Variants in PCDHGA2 observed in about 807,000 individuals in gnomAD.
PCDHGA2 encodes protocadherin gamma-A2.
Under a neutral mutation model 59.2 loss-of-function variants are expected in PCDHGA2, and 40 were observed. That is an observed-to-expected ratio of 0.68 (90% CI 0.52 to 0.88). The LOEUF (loss-of-function observed/expected upper bound fraction) is 0.88. Ranked by LOEUF, PCDHGA2 falls within the 40% of genes least tolerant of loss-of-function variation. PCDHGA2 has a pLI of 0.00. For synonymous variants in PCDHGA2, 560 were observed against 526.0 expected (o/e 1.06, Z -0.89); for missense variants, 1,226 against 1,204.0 (o/e 1.02, Z -0.27).
At chr5:141,453,288 A>T (rs931678565) in intron 1 of PCDHGA2, among the ~76,000 whole-genome samples, 18 of 151,342 alleles carry the variant, frequency 1.2e-4, no homozygotes, top group Admixed American at 3.3e-4. Context: ...TAATTTTTTA[A>T]TTATTTATTT....
intron 3 of PCDHGA2, among the ~76,000 whole-genome samples, chr5:141,509,064 C>T (rs890846779): frequency 6.6e-6 from 1 of 152,184 alleles, no homozygotes; most frequent in African/African-American, 2.4e-5. Flanking sequence ...AAGCTCTCAG[C>T]TCCGGGGATT....
chr5:141,447,164 G>T (rs2098528799), intron 1 of PCDHGA2, among the ~76,000 whole-genome samples: 1 of 151,766 alleles, frequency 6.6e-6, no homozygotes, highest in South Asian at 2.1e-4. Context: ...GTTTAAGCGG[G>T]GTCTTGCTCT....
At chr5:141,350,494 C>T (rs764659811) in intron 1 of PCDHGA2, 6 of 1,613,924 alleles carry the variant, frequency 3.7e-6, no homozygotes, top group Non-Finnish European at 5.1e-6. Context: ...GTTTGGAGAG[C>T]GGGGATTTGT....
intron 1 of PCDHGA2, chr5:141,360,306 C>T (rs1354179747): frequency 6.2e-7 from 1 of 1,613,952 alleles, no homozygotes; most frequent in Non-Finnish European, 8.5e-7. Context: ...TGGGGCTCAG[C>T]GTCCGGGACT....
chr5:141,478,826 G>A, intron 1 of PCDHGA2: 2 of 1,439,244 alleles, frequency 1.4e-6, no homozygotes, highest in Non-Finnish European at 1.8e-6. Context: ...AACCAATCTT[G>A]CTAAGGGATG....
At chr5:141,350,048 G>C in intron 1 of PCDHGA2, 1 of 396,924 alleles carries the variant, frequency 2.5e-6, no homozygotes, top group Non-Finnish European at 4.4e-6. Context: ...CGCCGCTGTC[G>C]ACCAAAAGGA....
At chr5:141,507,447 G>A (rs998019159) in intron 3 of PCDHGA2, among the ~76,000 whole-genome samples, 1 of 152,226 alleles carries the variant, frequency 6.6e-6, no homozygotes, top group Non-Finnish European at 1.5e-5. Flanking sequence ...GCTGACGGAA[G>A]GACAGAGAGA....
At chr5:141,366,697 G>A in intron 1 of PCDHGA2, 1 of 1,614,250 alleles carries the variant, frequency 6.2e-7, no homozygotes, top group Non-Finnish European at 8.5e-7. Flanking sequence ...AGAAAAGCGA[G>A]CCTCTTCTGA....
At chr5:141,380,483 A>G (rs1460206090) in intron 1 of PCDHGA2, among the ~76,000 whole-genome samples, 1 of 152,208 alleles carries the variant, frequency 6.6e-6, no homozygotes, top group Non-Finnish European at 1.5e-5. Flanking sequence ...TCTTCCCAAT[A>G]TCTCAGTCAA....
intron 1 of PCDHGA2, chr5:141,420,184 A>G: frequency 5.0e-6 from 8 of 1,613,990 alleles, no homozygotes; most frequent in Non-Finnish European, 6.8e-6. Context: ...ATCATTGTCC[A>G]GCCACACAAG....
intron 1 of PCDHGA2, chr5:141,403,099 C>T (rs762392585): frequency 2.5e-6 from 4 of 1,613,938 alleles, no homozygotes; most frequent in Non-Finnish European, 2.5e-6. Flanking sequence ...GCAACATCTC[C>T]AAGGACCTGG....
Position 141,485,605 on chromosome 5 carries a change from G to A in PCDHGA2, c.2425-9202G>A. On this transcript the variant is annotated intron_variant, in intron 1 of 3. Transcript: ENST00000394576. This position sits in a 1 kb window ranked among gnomAD's most constrained non-coding sequence, Gnocchi z 5.7. The stretch of plus-strand genomic sequence containing the variant: ...AGCAGCTGGACTTGGAAATTGGGGA[G>A]GCAGCTCCTCCAGGACAGCGTTTCC... 6.2e-7 allele frequency: 1 copy of A among 1,612,448 alleles called. No homozygotes were observed. Among genetic ancestry groups the A allele is most frequent in the Non-Finnish European group, 8.5e-7 (1 of 1,178,750 alleles).
Position 141,374,942 on chromosome 5 carries a change from A to G in PCDHGA2, c.2424+33547A>G, listed in dbSNP as rs758134474. The G allele has an allele frequency of 5.6e-6, 9 of 1,613,926 alleles. No individual in the cohort carries two copies. Among genetic ancestry groups the G allele is most frequent in the Non-Finnish European group, 7.6e-6 (9 of 1,179,910 alleles). ...TTATTCCTTTGTGAAGATTACAGAA[A>G]AGATCTCACAAATTTTCTGTTTGAA... On this transcript the variant is annotated intron_variant, in intron 1 of 3. Coordinates refer to ENST00000394576, the MANE Select transcript of PCDHGA2 (RefSeq NM_018915.4).
intron 1 of PCDHGA2, chr5:141,356,501 C>T: frequency 6.2e-7 from 1 of 1,614,014 alleles, no homozygotes; most frequent in Non-Finnish European, 8.5e-7. Context: ...CCACTGTCTA[C>T]AGAAACTCAT....
chr5:141,398,915 A>G, intron 1 of PCDHGA2: 1 of 1,614,002 alleles, frequency 6.2e-7, no homozygotes, highest in Non-Finnish European at 8.5e-7. Context: ...ACTGTGTTGC[A>G]AGTGTCAGCC....
rs70988800 is a variant in PCDHGA2 at position 141,379,889 on chromosome 5, C to CTTTTTTTTTTTTTTTTTTTTTTTTTTTTT, written c.2424+38496_2424+38524dup. On this transcript the variant is annotated intron_variant, in intron 1 of 3. Coordinates refer to ENST00000394576, the MANE Select transcript of PCDHGA2 (RefSeq NM_018915.4). The stretch of plus-strand genomic sequence containing the variant: ...CTTATTTTATGGTCTGTGAAAGCCT[C>CTTTTTTTTTTTTTTTTTTTTTTTTTTTTT]TTTTTTTTTTTTTTTTTTTTTTTTT... Among the ~76,000 whole-genome samples the CTTTTTTTTTTTTTTTTTTTTTTTTTTTTT allele has an allele frequency of 3.3e-4, 17 of 50,832 alleles. 3 individuals are homozygous for CTTTTTTTTTTTTTTTTTTTTTTTTTTTTT. Among genetic ancestry groups the CTTTTTTTTTTTTTTTTTTTTTTTTTTTTT allele is most frequent in the Non-Finnish European group, 5.0e-4 (13 of 25,882 alleles). 33.3% of individuals were successfully genotyped at this position (50,832 alleles called of 152,430 possible).
chr5:141,510,852 G>A (rs2099883073), intron 3 of PCDHGA2, 95 bp from the exon 4 acceptor site: 2 of 1,601,096 alleles, frequency 1.2e-6, no homozygotes, highest in Non-Finnish European at 1.7e-6. Flanking sequence ...GGCCCAGGGT[G>A]CTGTATAGGC....
rs964544667 is a variant in PCDHGA2 at position 141,338,790 on chromosome 5, G to C, written c.-182G>C. ...AGCAATACGGCTCCCACAGCACAAG[G>C]GGGTGGAGGTTTGGCCCTAAAGCTT... is the stretch of plus-strand genomic sequence containing the variant. On this transcript the variant is annotated 5_prime_UTR_variant, in exon 1 of 4. Transcript: ENST00000394576. 8.1e-6 allele frequency: 11 copies of C among 1,350,074 alleles called. No individual in the cohort carries two copies. The South Asian group carries it at 8.6e-5, about 11-fold the overall frequency. 83.6% of individuals were successfully genotyped at this position (1,350,074 alleles called of 1,614,324 possible).
At chr5:141,370,896 C>G in intron 1 of PCDHGA2, 1 of 1,614,040 alleles carries the variant, frequency 6.2e-7, no homozygotes, top group Non-Finnish European at 8.5e-7. Context: ...CAATTCGCTG[C>G]AGCAGTACTA....
Sources: allele counts gnomAD v4.1 joint callset (sites outside exome capture counted in the v4.1 genomes callset), GRCh38; gene constraint gnomAD v4.1.1; non-coding constraint Gnocchi (gnomAD v3.1); transcripts MANE v1.5; gene names NCBI Gene and HGNC (gene_info 2026-07-23, HGNC 2026-07-21).